WDR62: variants seen among roughly 807,000 people sequenced by gnomAD.
WDR62 encodes the protein WD repeat domain 62.
WDR62 carries 112 observed loss-of-function variants against 160.6 expected under a neutral mutation model. The ratio of observed to expected loss-of-function variants is 0.70; its 90% CI spans 0.60 to 0.82. The LOEUF is 0.82. Ranked by LOEUF, WDR62 falls within the 40% of genes least tolerant of loss-of-function variation. WDR62 has a pLI of 0.00. For synonymous variants in WDR62, 792 were observed against 815.1 expected (o/e 0.97, Z 0.48); for missense variants, 1,819 against 1,983.8 (o/e 0.92, Z 1.58).
intron 9 of WDR62, 156 bp downstream of exon 9, chr19:36,073,687 C>T: frequency 1.4e-6 from 1 of 717,118 alleles, no homozygotes; most frequent in Non-Finnish European, 2.5e-6. Flanking sequence ...CACAAAATCC[C>T]TGCCCTTAAC....
At position 36,071,645 on chromosome 19, in the gene WDR62, C is replaced by T. The variant is rs757713828; in HGVS notation, c.972C>T (p.Ser324=). ...DGIVRIFQAH[S]LHYLANLPKP... ...TAGTCCGCATCTTCCAGGCCCATAG[C>T]CTGCACTACCTCGCCAACCTGCCCA... The change falls in exon 8 of 32, where the codon AGC becomes AGT. Residue 324 remains serine (S), a synonymous_variant. Coordinates refer to ENST00000401500, the MANE Select transcript of WDR62 (RefSeq NM_001083961.2). 6 of 1,614,262 alleles carry T rather than the reference C, an allele frequency of 3.7e-6. No individual in the cohort carries two copies. Among genetic ancestry groups the T allele is most frequent in the Middle Eastern group, 1.6e-4 (1 of 6,062 alleles).
chr19:36,085,543 G>A (rs921487990), intron 12 of WDR62, among the ~76,000 whole-genome samples: 5 of 150,636 alleles, frequency 3.3e-5, no homozygotes, highest in Non-Finnish European at 7.4e-5. Flanking sequence ...GCGTTCAAGC[G>A]ATTCTCCTGC....
intron 22 of WDR62, among the ~76,000 whole-genome samples, chr19:36,099,820 G>A (rs1350563343): frequency 6.6e-6 from 1 of 152,254 alleles, no homozygotes; most frequent in Non-Finnish European, 1.5e-5. Context: ...TCACTTGGGG[G>A]TTAAGAGCTT....
intron 30 of WDR62, 59 bp downstream of exon 30, chr19:36,104,040 T>A: frequency 6.3e-7 from 1 of 1,591,386 alleles, no homozygotes; most frequent in Non-Finnish European, 8.5e-7. Flanking sequence ...GCTAGTTGGC[T>A]CAGCTCCAAA....
In WDR62 at chr19:36,103,369, T is replaced by C. The variant is rs1973509021; in HGVS notation, c.3541T>C (p.Cys1181Arg). The change falls in exon 30 of 32, where the codon TGT (cysteine) becomes CGT (arginine). Residue 1181 changes from cysteine (C) to arginine (R), a missense_variant. Around this residue, in one of 3 missense-constraint regions of WDR62, gnomAD observed 770 missense variants for 734.2 expected, o/e 1.05. Transcript: ENST00000401500. Reference sequence around the variant, plus strand: ...TCCCTGCCTTACGAGCCTGGCGTCCTGTGTCCCTGCTTCCTCCGTGCTGCC... The same window carrying C: ...TCCCTGCCTTACGAGCCTGGCGTCCCGTGTCCCTGCTTCCTCCGTGCTGCC... Reference protein sequence around the residue: ...PPPCLTSLASCVPASSVLPTD... With the variant: ...PPPCLTSLASRVPASSVLPTD... 6 of 1,613,824 alleles carry C rather than the reference T, an allele frequency of 3.7e-6. No homozygotes were observed. The highest frequency in any genetic ancestry group is 5.1e-6 in the Non-Finnish European group (6 of 1,179,956).
At chr19:36,107,754 C>T (rs1973741018), downstream of WDR62, among the ~76,000 whole-genome samples, 1 of 152,084 alleles carries the variant, frequency 6.6e-6, no homozygotes, top group African/African-American at 2.4e-5. Context: ...GAGGATCCAG[C>T]ATGTCTGCCA....
intron 1 of WDR62, among the ~76,000 whole-genome samples, chr19:36,056,611 T>C (rs772661572): frequency 2.6e-5 from 4 of 152,120 alleles, no homozygotes; most frequent in Non-Finnish European, 5.9e-5. Flanking sequence ...ACCCTATACT[T>C]CATAGCCTTT....
chr19:36,101,406 C>G, intron 24 of WDR62, 89 bp downstream of exon 24: 1 of 1,192,372 alleles, frequency 8.4e-7, no homozygotes, highest in Non-Finnish European at 1.2e-6. Context: ...TGACCCAGTA[C>G]TGAAGCTCAG....
chr19:36,104,407 C>T (rs1409578464), intron 30 of WDR62, 111 bp from the exon 31 acceptor site: 3 of 1,401,388 alleles, frequency 2.1e-6, no homozygotes, highest in East Asian at 4.7e-5. Context: ...GCCTTGGGGA[C>T]CCAGAGAAGT....
chr19:36,077,316 C>T (rs1316301265), intron 9 of WDR62, among the ~76,000 whole-genome samples: 1 of 137,694 alleles, frequency 7.3e-6, no homozygotes, highest in Non-Finnish European at 1.5e-5. Context: ...CTCACTCTGT[C>T]GCCCAGGCTG....
At position 36,104,507 on chromosome 19, in the gene WDR62, C is replaced by T; in HGVS notation, c.4154-11C>T. 1 of 1,613,454 alleles carries T rather than the reference C, an allele frequency of 6.2e-7. No homozygotes were observed. The highest frequency in any genetic ancestry group is 2.2e-5 in the East Asian group (1 of 44,872). On this transcript the variant is annotated splice_polypyrimidine_tract_variant and intron_variant, in intron 30 of 31. Transcript: ENST00000401500. ...CAGCTCATCTTGCTCATTCCCTTCT[C>T]TCTACCCCAGGTGCACTTGGTCTGT...
chr19:36,062,894 C>CA (rs748539420), intron 3 of WDR62, among the ~76,000 whole-genome samples: 3 of 152,064 alleles, frequency 2.0e-5, no homozygotes, highest in Non-Finnish European at 2.9e-5. Context: ...GTTGTCCCCT[C>CA]AGTCTCTTTC....
At chr19:36,066,450 G>T (rs775007695) in intron 5 of WDR62, 23 bp downstream of exon 5, 7 of 1,573,788 alleles carry the variant, frequency 4.4e-6, no homozygotes, top group Non-Finnish European at 5.2e-6. Flanking sequence ...CAGCAGGCCT[G>T]TGGCAGGCAG....
chr19:36,067,266 A>G (rs1227905267), intron 5 of WDR62, 40 bp from the exon 6 acceptor site: 2 of 1,613,650 alleles, frequency 1.2e-6, no homozygotes, highest in Admixed American at 1.7e-5. Flanking sequence ...GTCCAGTGGA[A>G]TGAGTGCTGG....
intron 3 of WDR62, among the ~76,000 whole-genome samples, chr19:36,064,660 C>T (rs1475127256): frequency 6.6e-6 from 1 of 152,042 alleles, no homozygotes; most frequent in Non-Finnish European, 1.5e-5. Flanking sequence ...TTGCTGCAAC[C>T]TCTGCCTCCC....
chr19:36,080,698 G>A (rs1196674159), intron 9 of WDR62, among the ~76,000 whole-genome samples: 2 of 149,960 alleles, frequency 1.3e-5, no homozygotes, highest in African/African-American at 2.5e-5. Flanking sequence ...CAGGTGATCC[G>A]CCCACCTCAG....
In WDR62 at chr19:36,083,006, G is replaced by A. The variant is rs577139584; in HGVS notation, c.1372-57G>A. On this transcript the variant is annotated intron_variant, in intron 10 of 31. Transcript: ENST00000401500. The stretch of plus-strand genomic sequence containing the variant: ...GAAGAGACTGGCTATGGAGGGACAC[G>A]ATTTCAGAGGTGCTTCTGAGCTGCT... 1.4e-5 allele frequency: 22 copies of A among 1,527,872 alleles called. No individual in the cohort carries two copies. In the Admixed American group the frequency reaches 2.6e-4, roughly 18 times the overall value. 94.6% of individuals were successfully genotyped at this position (1,527,872 alleles called of 1,614,324 possible).
chr19:36,083,385 C>A, intron 11 of WDR62, 144 bp downstream of exon 11: 1 of 877,852 alleles, frequency 1.1e-6, no homozygotes, highest in Non-Finnish European at 1.8e-6. Flanking sequence ...TGAACAGCTC[C>A]CATTGGGAAC....
At chr19:36,058,721 G>T in intron 1 of WDR62, 59 bp from the exon 2 acceptor site, 1 of 1,431,922 alleles carries the variant, frequency 7.0e-7, no homozygotes, top group Non-Finnish European at 9.8e-7. Context: ...GGCCAAGGCG[G>T]CTGCACCATG....
Sources: allele counts gnomAD v4.1 joint callset (sites outside exome capture counted in the v4.1 genomes callset), GRCh38; gene constraint gnomAD v4.1.1; regional missense constraint gnomAD v4.1.1; transcripts MANE v1.5; gene names NCBI Gene and HGNC (gene_info 2026-07-23, HGNC 2026-07-21).